Variants in FAM81A observed in about 807,000 individuals in gnomAD.
FAM81A encodes protein FAM81A.
Under a neutral mutation model 46.7 loss-of-function variants are expected in FAM81A, and 19 were observed. That is an observed-to-expected ratio of 0.41 (90% CI 0.28 to 0.60). FAM81A has a LOEUF of 0.60. FAM81A is among the 20% of genes least tolerant of loss of function. The probability of loss-of-function intolerance (pLI) is 0.34; values close to 1 mark genes in which losing one functional copy is unlikely to be tolerated. For missense variants in FAM81A, 377 were observed against 453.5 expected (o/e 0.83, Z 1.53); for synonymous variants, 183 against 152.9 (o/e 1.20, Z -1.45).
intron 2 of FAM81A, among the ~76,000 whole-genome samples, chr15:59,419,157 C>A (rs1414781664): frequency 1.3e-5 from 2 of 152,034 alleles, no homozygotes; most frequent in African/African-American, 4.8e-5. Context: ...GTAGGCACGC[C>A]CATAACAACG....
At chr15:59,513,902 A>G (rs1596547286) in intron 6 of FAM81A, among the ~76,000 whole-genome samples, 3 of 152,244 alleles carry the variant, frequency 2.0e-5, no homozygotes, top group Admixed American at 6.5e-5. Flanking sequence ...AACCATAAAA[A>G]GGAATGAGAT....
intron 1 of FAM81A, among the ~76,000 whole-genome samples, chr15:59,452,277 T>C (rs1482009612): frequency 6.6e-6 from 1 of 152,148 alleles, no homozygotes; most frequent in Non-Finnish European, 1.5e-5. Flanking sequence ...GCTATTTCAG[T>C]GAAAATGTCC....
At chr15:59,425,927 C>T (rs577192366) in intron 2 of FAM81A, among the ~76,000 whole-genome samples, 1 of 152,316 alleles carries the variant, frequency 6.6e-6, no homozygotes, top group African/African-American at 2.4e-5. Context: ...GCTGGCTATT[C>T]TATTTTTAAT....
At position 59,514,366 on chromosome 15, in the gene FAM81A, T is replaced by G; in HGVS notation, c.728T>G (p.Ile243Arg). Reference sequence around the variant, plus strand: ...TGGTTGCAACAGGAACAAGAACGGATAGAAAAAGAGCTTTTACAGAAAATT... The same window carrying G: ...TGGTTGCAACAGGAACAAGAACGGAGAGAAAAAGAGCTTTTACAGAAAATT... ...RSWLQQEQERIEKELLQKIDQ... is the reference protein window; with the variant it reads ...RSWLQQEQERREKELLQKIDQ... Residue 243 changes from isoleucine (I) to arginine (R), a missense_variant, in exon 7 of 9, where the codon ATA becomes AGA. Physicochemically the swap from Ile to Arg is moderately conservative, Grantham distance 97. Coordinates refer to ENST00000288228, the MANE Select transcript of FAM81A (RefSeq NM_152450.3). 1 of 1,613,754 alleles carries G rather than the reference T, an allele frequency of 6.2e-7. No homozygotes were observed. Among genetic ancestry groups the G allele is most frequent in the South Asian group, 1.1e-5 (1 of 91,064 alleles).
At chr15:59,514,262 A>G in intron 6 of FAM81A, 27 bp from the exon 7 acceptor site, 4 of 1,550,006 alleles carry the variant, frequency 2.6e-6, no homozygotes, top group South Asian at 1.2e-5. Context: ...ACTGTTTTAC[A>G]TCTAACTTGC....
chr15:59,415,839 A>G (rs949986410), intron 2 of FAM81A, among the ~76,000 whole-genome samples: 9 of 152,318 alleles, frequency 5.9e-5, no homozygotes, highest in Middle Eastern at 3.4e-3. Flanking sequence ...CCACTCTCCT[A>G]TACCTCTTGC....
chr15:59,514,920 A>G (rs547504072), intron 7 of FAM81A, among the ~76,000 whole-genome samples: 117 of 152,306 alleles, frequency 7.7e-4, no homozygotes, highest in African/African-American at 2.4e-3. Context: ...TCACAGAGCT[A>G]AGGTTTGTAG....
chr15:59,472,725 A>AT (rs199808091), intron 3 of FAM81A, among the ~76,000 whole-genome samples: 2,501 of 152,026 alleles, frequency 0.016, 64 homozygotes, highest in African/African-American at 0.055. Flanking sequence ...TAATTATTTT[A>AT]TTTTTTGTAG....
chr15:59,498,207 C>T (rs2141779765), intron 4 of FAM81A, among the ~76,000 whole-genome samples: 1 of 152,330 alleles, frequency 6.6e-6, no homozygotes, highest in Non-Finnish European at 1.5e-5. Flanking sequence ...TTTTGGTCAT[C>T]TTTAATATCT....
chr15:59,433,309 C>G (rs2141567228), upstream of FAM81A, among the ~76,000 whole-genome samples: 1 of 144,468 alleles, frequency 6.9e-6, no homozygotes, highest in South Asian at 2.2e-4. Context: ...TCAGATTTCA[C>G]TCTTGAAAGT....
chr15:59,509,477 G>A (rs1383792794), intron 6 of FAM81A, among the ~76,000 whole-genome samples: 2 of 152,136 alleles, frequency 1.3e-5, no homozygotes, highest in East Asian at 1.9e-4. Flanking sequence ...ATTAAGTTAT[G>A]GATTTTAAAA....
At chr15:59,430,106 C>T (rs968109049) in intron 2 of FAM81A, among the ~76,000 whole-genome samples, 2 of 152,142 alleles carry the variant, frequency 1.3e-5, no homozygotes, top group Non-Finnish European at 2.9e-5. Flanking sequence ...GTGGTGATCA[C>T]GGACTCCTCA....
intron 1 of FAM81A, among the ~76,000 whole-genome samples, chr15:59,453,953 T>A (rs2081451333): frequency 6.6e-6 from 1 of 152,062 alleles, no homozygotes. Flanking sequence ...TGACTCCCCA[T>A]CTCCTCTGAC....
intron 8 of FAM81A, among the ~76,000 whole-genome samples, chr15:59,520,073 T>G: frequency 6.9e-6 from 1 of 144,566 alleles, no homozygotes; most frequent in South Asian, 2.2e-4. Flanking sequence ...GTAAACTTTC[T>G]TAAAACATTA....
intron 4 of FAM81A, among the ~76,000 whole-genome samples, chr15:59,499,795 C>G (rs2082072096): frequency 6.6e-6 from 1 of 151,632 alleles, no homozygotes; most frequent in Admixed American, 6.6e-5. Flanking sequence ...ATTCTAGTTC[C>G]CTTGTATGTG....
chr15:59,447,863 G>A (rs981187451), intron 1 of FAM81A, among the ~76,000 whole-genome samples: 1 of 152,178 alleles, frequency 6.6e-6, no homozygotes, highest in African/African-American at 2.4e-5. Flanking sequence ...AAGGGAGGAG[G>A]CCTCAGATAC....
rs570863584 is a variant in FAM81A, at chr15:59,467,786, C to T, written c.294+7580C>T. Among the ~76,000 whole-genome samples the T allele has an allele frequency of 1.1e-3, 166 of 152,220 alleles. 2 individuals are homozygous for T. Among genetic ancestry groups the T allele is most frequent in the African/African-American group, 3.6e-3 (148 of 41,520 alleles). On this transcript the variant is annotated intron_variant, in intron 3 of 8. Coordinates refer to ENST00000288228, the MANE Select transcript of FAM81A (RefSeq NM_152450.3). ...GAGAGAGAGCATCCTTGTTTTGTGC[C>T]GGTTTTCAAAGGAAATCCTTCCAGT...
upstream of FAM81A, among the ~76,000 whole-genome samples, chr15:59,433,640 A>T (rs1170648822): frequency 6.6e-6 from 1 of 152,240 alleles, no homozygotes; most frequent in East Asian, 1.9e-4. Flanking sequence ...TATAATTTCT[A>T]TAAATAAAAG....
chr15:59,462,799 C>T (rs1290940230), intron 3 of FAM81A, among the ~76,000 whole-genome samples: 3 of 152,144 alleles, frequency 2.0e-5, no homozygotes, highest in Non-Finnish European at 4.4e-5. Context: ...TTTCACTTAG[C>T]ATAATGTTTT....
Sources: allele counts gnomAD v4.1 joint callset (sites outside exome capture counted in the v4.1 genomes callset), GRCh38; gene constraint gnomAD v4.1.1; transcripts MANE v1.5; gene names NCBI Gene and HGNC (gene_info 2026-07-23, HGNC 2026-07-21).